The following STAG3 variants were observed in gnomAD, a reference collection of about 807,000 sequenced individuals.
STAG3 encodes the protein STAG3 cohesin complex component.
STAG3 carries 101 observed loss-of-function variants against 160.7 expected under a neutral mutation model. The ratio of observed to expected loss-of-function variants is 0.63; its 90% CI spans 0.54 to 0.74. STAG3 has a LOEUF of 0.74. Among genes scored for constraint, STAG3 ranks in the 30% least tolerant of loss-of-function variants. The pLI is 0.00. For synonymous variants in STAG3, 519 were observed against 585.0 expected (o/e 0.89, Z 1.63); for missense variants, 1,188 against 1,517.4 (o/e 0.78, Z 3.61).
chr7:100,219,061 G>A (rs1262407777), downstream of STAG3: 1 of 152,636 alleles, frequency 6.6e-6, no homozygotes, highest in East Asian at 1.9e-4. Context: ...AACTTGGAGG[G>A]AAATATACTT....
At chr7:100,219,171 G>A (rs1803031067), downstream of STAG3, 1 of 152,698 alleles carries the variant, frequency 6.5e-6, no homozygotes, top group South Asian at 2.1e-4. Context: ...CTCTGTTTCT[G>A]AGGTCACATC....
chr7:100,199,001 A>T, intron 14 of STAG3, 44 bp downstream of exon 14: 1 of 1,572,162 alleles, frequency 6.4e-7, no homozygotes, highest in East Asian at 2.2e-5. Flanking sequence ...CATAGGACCT[A>T]CAAGTGGGCT....
chr7:100,182,033 C>A, intron 2 of STAG3, 57 bp from the exon 3 acceptor site: 2 of 1,312,566 alleles, frequency 1.5e-6, no homozygotes, highest in Non-Finnish European at 2.2e-6. Context: ...ATTAATTAGC[C>A]TTTTATATGG....
chr7:100,200,012 G>A, intron 16 of STAG3: 1 of 461,116 alleles, frequency 2.2e-6, no homozygotes, highest in East Asian at 3.5e-5. Context: ...CTTGCAGTGA[G>A]CCAAGATCAC....
At chr7:100,200,401 G>A in intron 17 of STAG3, 52 bp from the exon 18 acceptor site, 1 of 1,613,034 alleles carries the variant, frequency 6.2e-7, no homozygotes, top group Non-Finnish European at 8.5e-7. Context: ...GGTGGGAGTA[G>A]GAATTAGCAA....
In STAG3 at chr7:100,203,113, G is replaced by A. The variant is rs528236978; in HGVS notation, c.2700+523G>A. On this transcript the variant is annotated intron_variant, in intron 25 of 33. Transcript: ENST00000615138. ...AATAGTGAAGGTGTCAGTGCTGTGTGAGAGGGCACTGTCAGGCTTACTTCT... is the reference window on the plus strand; with the variant it reads ...AATAGTGAAGGTGTCAGTGCTGTGTAAGAGGGCACTGTCAGGCTTACTTCT... Among the ~76,000 whole-genome samples, 58 of 152,316 alleles carry A rather than the reference G, an allele frequency of 3.8e-4. 2 individuals carry two copies. The highest frequency in any genetic ancestry group is 1.2e-3 in the South Asian group (6 of 4,826).
At chr7:100,217,073 A>G (rs554627551), downstream of STAG3, among the ~76,000 whole-genome samples, 37 of 152,346 alleles carry the variant, frequency 2.4e-4, 1 homozygote, top group Admixed American at 6.5e-4. Flanking sequence ...CTTCCCTCAC[A>G]ATACTGATCG....
At chr7:100,212,895 TCAA>T (rs1239923238) in intron 32 of STAG3, 1 of 152,234 alleles carries the variant, frequency 6.6e-6, no homozygotes, top group African/African-American at 2.4e-5. Context: ...TAAAAAAAAA[TCAA>T]CAATTCAAAA....
chr7:100,219,107 T>C (rs1049790522), downstream of STAG3: 3 of 152,534 alleles, frequency 2.0e-5, no homozygotes, highest in Admixed American at 2.0e-4. Context: ...GTGAAGGGAT[T>C]GGGTGGCATA....
chr7:100,191,548 T>C (rs140568745), intron 8 of STAG3, among the ~76,000 whole-genome samples: 6 of 152,354 alleles, frequency 3.9e-5, no homozygotes, highest in African/African-American at 1.4e-4. Flanking sequence ...GCAAGACTAT[T>C]GTCTAAAAAG....
In STAG3 at chr7:100,200,340, C is replaced by T; in HGVS notation, c.1770+12C>T. 1 of 1,613,734 alleles carries T rather than the reference C, an allele frequency of 6.2e-7. No individual in the cohort carries two copies. The highest frequency in any genetic ancestry group is 2.2e-5 in the East Asian group (1 of 44,834). ...AGCTCCTGGCCAAGGTACCGCTGCCCCTCCACTCTGCATCACACCAAGAGA... is the reference window on the plus strand; with the variant it reads ...AGCTCCTGGCCAAGGTACCGCTGCCTCTCCACTCTGCATCACACCAAGAGA... On this transcript the variant is annotated intron_variant, in intron 17 of 33. Coordinates refer to ENST00000615138, the MANE Select transcript of STAG3 (RefSeq NM_001282717.2).
chr7:100,203,059 G>A (rs938336927), intron 25 of STAG3, among the ~76,000 whole-genome samples: 8 of 152,210 alleles, frequency 5.3e-5, no homozygotes, highest in Non-Finnish European at 7.3e-5. Context: ...CCTATTTGGT[G>A]GAGCTTCCAT....
chr7:100,206,307 T>C, intron 29 of STAG3, among the ~76,000 whole-genome samples: 1 of 152,136 alleles, frequency 6.6e-6, no homozygotes, highest in Non-Finnish European at 1.5e-5. Context: ...TGAGCCACTG[T>C]GCCTGGCTGC....
chr7:100,178,207 T>C (rs1799399078), intron 1 of STAG3: 1 of 152,378 alleles, frequency 6.6e-6, no homozygotes, highest in East Asian at 1.9e-4. Context: ...GTCCATTCTC[T>C]TAAGCGCTTG....
At chr7:100,190,640 T>G (rs1393301219) in intron 8 of STAG3, among the ~76,000 whole-genome samples, 1 of 152,158 alleles carries the variant, frequency 6.6e-6, no homozygotes, top group Non-Finnish European at 1.5e-5. Context: ...TCCCCACTAT[T>G]TTCTTCTCTC....
At chr7:100,182,611 G>A in intron 3 of STAG3, 112 bp from the exon 4 acceptor site, 2 of 1,033,022 alleles carry the variant, frequency 1.9e-6, no homozygotes, top group Admixed American at 4.0e-5. Context: ...AGACTCTGCT[G>A]TGGAATTGGC....
At chr7:100,192,664 C>T (rs960534840) in intron 8 of STAG3, among the ~76,000 whole-genome samples, 2 of 152,208 alleles carry the variant, frequency 1.3e-5, no homozygotes, top group Admixed American at 6.5e-5. Context: ...AGTCATGGCT[C>T]ACTGCAGCCC....
Position 100,213,797 on chromosome 7 carries a change from G to A in STAG3, c.3663G>A (p.Leu1221=), listed in dbSNP as rs772478702. Residue 1221 remains leucine, a synonymous_variant, in exon 33 of 34, where the codon CTG becomes CTA. Transcript: ENST00000615138. ...TGGACCTCTTAGATTCTACAGAGCTGGATATTGAGGTGAGTGTCCCCAGAG... is the reference window on the plus strand; with the variant it reads ...TGGACCTCTTAGATTCTACAGAGCTAGATATTGAGGTGAGTGTCCCCAGAG... The part of the protein sequence containing the change: ...RGLDLLDSTE[L]DIEDF 6.2e-7 allele frequency: 1 copy of A among 1,614,224 alleles called. No individual in the cohort carries two copies. Among genetic ancestry groups the A allele is most frequent in the Non-Finnish European group, 8.5e-7 (1 of 1,180,032 alleles).
At chr7:100,202,674 G>C in intron 25 of STAG3, 84 bp downstream of exon 25, 1 of 1,518,232 alleles carries the variant, frequency 6.6e-7, no homozygotes, top group Non-Finnish European at 8.8e-7. Context: ...CACTACAGGT[G>C]GGGGATATCC....
Sources: gnomAD v4.1 joint callset for allele counts (sites outside exome capture counted in the v4.1 genomes callset) on GRCh38, gnomAD v4.1.1 for gene constraint, MANE v1.5 for transcripts, NCBI Gene and HGNC (gene_info 2026-07-23, HGNC 2026-07-21) for gene names.